The following ZNF385D variants were observed in gnomAD, a reference collection of about 807,000 sequenced individuals.
The protein encoded by ZNF385D is zinc finger protein 385D.
In ZNF385D, 15 loss-of-function variants were observed where a neutral mutation model predicts 35.8. The observed-to-expected ratio is 0.42, with a 90% CI of 0.28 to 0.64. ZNF385D has a LOEUF of 0.64. Among genes scored for constraint, ZNF385D ranks in the 30% least tolerant of loss-of-function variants. The probability of loss-of-function intolerance (pLI) is 0.23; values close to 1 mark genes in which losing one functional copy is unlikely to be tolerated. For synonymous variants in ZNF385D, 212 were observed against 186.8 expected (o/e 1.13, Z -1.10); for missense variants, 474 against 494.6 (o/e 0.96, Z 0.39).
At chr3:21,992,070 A>G (rs978095976) in intron 3 of ZNF385D, among the ~76,000 whole-genome samples, 4 of 152,208 alleles carry the variant, frequency 2.6e-5, no homozygotes, top group Admixed American at 1.3e-4. Flanking sequence ...AGTTGCTGTG[A>G]GAATTAAATG....
At chr3:21,986,637 A>T (rs1359322887) in intron 3 of ZNF385D, among the ~76,000 whole-genome samples, 1 of 146,998 alleles carries the variant, frequency 6.8e-6, no homozygotes, top group East Asian at 1.9e-4. Context: ...AAAAAAATGT[A>T]TATTCTGTTG....
chr3:22,111,159 T>G (rs1324932059), intron 3 of ZNF385D, among the ~76,000 whole-genome samples: 5 of 75,316 alleles, frequency 6.6e-5, no homozygotes, highest in African/African-American at 2.6e-4. Flanking sequence ...TGGATTTTTT[T>G]TTTTTTTTTT....
chr3:21,732,231 T>C (rs1471334858), intron 1 of ZNF385D, among the ~76,000 whole-genome samples: 2 of 151,804 alleles, frequency 1.3e-5, no homozygotes, highest in Non-Finnish European at 2.9e-5. Flanking sequence ...TTTGTATTTT[T>C]AGTAGACACG....
chr3:22,358,105 C>G (rs1160065446), intron 2 of ZNF385D, among the ~76,000 whole-genome samples: 1 of 151,826 alleles, frequency 6.6e-6, no homozygotes, highest in Non-Finnish European at 1.5e-5. Context: ...ATAACAGGGA[C>G]AGTCAGCAGT....
chr3:22,291,061 G>C (rs1219489079), intron 2 of ZNF385D, among the ~76,000 whole-genome samples: 2 of 152,138 alleles, frequency 1.3e-5, no homozygotes, highest in Admixed American at 1.3e-4. Context: ...CTTCCCAAAG[G>C]CTCCATCTAA....
intron 2 of ZNF385D, among the ~76,000 whole-genome samples, chr3:21,594,447 A>G (rs1238887688): frequency 6.6e-6 from 1 of 152,158 alleles, no homozygotes; most frequent in African/African-American, 2.4e-5. Flanking sequence ...GATAGGGAAA[A>G]TGCCAATCAA....
At chr3:22,050,397 C>T (rs941873869) in intron 3 of ZNF385D, among the ~76,000 whole-genome samples, 1 of 152,014 alleles carries the variant, frequency 6.6e-6, no homozygotes, top group African/African-American at 2.4e-5. Flanking sequence ...AAAACCACCA[C>T]CACAACAAGA....
At chr3:21,513,038 T>C (rs1229838426) in intron 3 of ZNF385D, among the ~76,000 whole-genome samples, 2 of 152,160 alleles carry the variant, frequency 1.3e-5, no homozygotes, top group African/African-American at 4.8e-5. Context: ...TCTCCACTTA[T>C]ACCTCCAAAA....
chr3:22,076,258 C>T (rs531460457), intron 3 of ZNF385D, among the ~76,000 whole-genome samples: 1 of 151,978 alleles, frequency 6.6e-6, no homozygotes, highest in South Asian at 2.1e-4. Flanking sequence ...ATTCTTTATC[C>T]TCCATTATTG....
intron 3 of ZNF385D, among the ~76,000 whole-genome samples, chr3:21,997,754 G>T (rs1695558163): frequency 1.3e-5 from 2 of 152,062 alleles, no homozygotes; most frequent in Non-Finnish European, 1.5e-5. Flanking sequence ...GGAAATGGCA[G>T]ATAATATTAT....
At chr3:22,323,346 A>C (rs1379956105) in intron 2 of ZNF385D, among the ~76,000 whole-genome samples, 1 of 152,164 alleles carries the variant, frequency 6.6e-6, no homozygotes, top group African/African-American at 2.4e-5. Flanking sequence ...TCTGATGCTA[A>C]TAAGGCCCCA....
chr3:22,081,209 T>C (rs137945564), intron 3 of ZNF385D, among the ~76,000 whole-genome samples: 2,230 of 152,304 alleles, frequency 0.015, 32 homozygotes, highest in Middle Eastern at 0.034. Flanking sequence ...AGCAACTTAT[T>C]AAAATTTTGC....
At chr3:21,460,687 T>C (rs570441711) in intron 4 of ZNF385D, among the ~76,000 whole-genome samples, 70 of 145,590 alleles carry the variant, frequency 4.8e-4, no homozygotes, top group Admixed American at 1.3e-3. Context: ...TTCACTACAA[T>C]TTTTTTTAAG....
At chr3:21,450,863 A>G (rs563484902) in intron 4 of ZNF385D, among the ~76,000 whole-genome samples, 213 of 152,330 alleles carry the variant, frequency 1.4e-3, no homozygotes, top group Non-Finnish European at 2.5e-3. Flanking sequence ...CTGTCAAAAC[A>G]TAATTTCAAC....
intron 4 of ZNF385D, among the ~76,000 whole-genome samples, chr3:21,507,079 A>G (rs968591862): frequency 6.6e-6 from 1 of 152,198 alleles, no homozygotes; most frequent in Non-Finnish European, 1.5e-5. Flanking sequence ...TATTTATACT[A>G]ATAAATAATA....
rs773414072 is a variant in ZNF385D at position 21,419,333 on chromosome 3, G to C, written c.*1881C>G. On this transcript the variant is annotated 3_prime_UTR_variant, in exon 8 of 8. Transcript: ENST00000281523. ...TTTATATGACAAATTTCTATAGCTA[G>C]ATGGTGGAGAAGAACTCCAAAAAAC... 1 of 151,892 alleles carries C rather than the reference G, an allele frequency of 6.6e-6. No homozygotes were observed. The highest frequency in any genetic ancestry group is 6.6e-5 in the Admixed American group (1 of 15,222). The allele number at this position is 151,892 out of a possible 1,614,324, so 9.4% of individuals were successfully genotyped here.
intron 1 of ZNF385D, among the ~76,000 whole-genome samples, chr3:21,688,231 GA>G (rs1185219513): frequency 6.6e-6 from 1 of 151,978 alleles, no homozygotes; most frequent in East Asian, 1.9e-4. Flanking sequence ...TGTTCTGTTG[GA>G]ATAATTGTAT....
intron 3 of ZNF385D, among the ~76,000 whole-genome samples, chr3:22,109,568 A>G (rs1044745971): frequency 1.3e-5 from 2 of 152,184 alleles, no homozygotes; most frequent in African/African-American, 4.8e-5. Context: ...TCTCAGATGA[A>G]GAAGTGAAGG....
At chr3:22,248,111 C>T (rs1013718876) in intron 2 of ZNF385D, among the ~76,000 whole-genome samples, 1 of 152,060 alleles carries the variant, frequency 6.6e-6, no homozygotes, top group African/African-American at 2.4e-5. Flanking sequence ...AACCTTGCTC[C>T]CTGAAGATTC....
Sources: gnomAD v4.1 joint callset for allele counts (sites outside exome capture counted in the v4.1 genomes callset) on GRCh38, gnomAD v4.1.1 for gene constraint, MANE v1.5 for transcripts, NCBI Gene and HGNC (gene_info 2026-07-23, HGNC 2026-07-21) for gene names.